Variants in NPEPPS observed in about 807,000 individuals in gnomAD.
NPEPPS encodes the protein aminopeptidase puromycin sensitive.
Under a neutral mutation model 115.5 loss-of-function variants are expected in NPEPPS, and 14 were observed. The observed-to-expected ratio is 0.12, with a 90% confidence interval of 0.08 to 0.19. The LOEUF (loss-of-function observed/expected upper bound fraction) is 0.19, where lower values mean the gene tolerates loss of function less well. Ranked by LOEUF, NPEPPS falls within the 10% of genes least tolerant of loss-of-function variation. NPEPPS has a pLI of 1.00. For missense variants in NPEPPS, 523 were observed against 1,110.8 expected, an observed-to-expected ratio of 0.47 and a Z score of 7.52; for synonymous variants, 285 against 390.6, an observed-to-expected ratio of 0.73 and a Z score of 3.19.
At chr17:47,607,846 C>CT (rs1344470191) in intron 17 of NPEPPS, among the ~76,000 whole-genome samples, 1 of 152,060 alleles carries the variant, frequency 6.6e-6, no homozygotes, top group East Asian at 1.9e-4. Flanking sequence ...GCTGTAGAAA[C>CT]ATTTTTTTCT....
intron 12 of NPEPPS, 124 bp downstream of exon 12, chr17:47,592,669 A>C: frequency 1.2e-6 from 1 of 865,348 alleles, no homozygotes; most frequent in Non-Finnish European, 1.7e-6. Context: ...AATTAGCCTT[A>C]TTTGAAGCTG....
At chr17:47,599,980 G>A (rs186808335) in intron 14 of NPEPPS, among the ~76,000 whole-genome samples, 211 of 152,014 alleles carry the variant, frequency 1.4e-3, no homozygotes, top group African/African-American at 4.7e-3. Context: ...CACCATGCTC[G>A]GCTAATTTTT....
intron 1 of NPEPPS, among the ~76,000 whole-genome samples, chr17:47,542,481 G>A (rs1299734675): frequency 6.6e-6 from 1 of 150,594 alleles, no homozygotes; most frequent in African/African-American, 2.4e-5. Context: ...GGGAGGCGGA[G>A]GTTGCGGTGA....
rs1250868146 is a variant in NPEPPS at position 47,542,877 on chromosome 17, G to A, written c.256-3032G>A. Among the ~76,000 whole-genome samples the A allele has an allele frequency of 4.6e-5, 7 of 152,068 alleles. No homozygotes were observed. The South Asian group carries it at 1.0e-3, about 23-fold the overall frequency. On this transcript the variant is annotated intron_variant, in intron 1 of 22. Coordinates refer to ENST00000322157, the MANE Select transcript of NPEPPS (RefSeq NM_006310.4). ...CAAGAGGCCAGGCGTGGTGGCTCAC[G>A]TCTGTAATCTCAGCACTTTGGGAGG...
intron 2 of NPEPPS, among the ~76,000 whole-genome samples, chr17:47,554,832 G>A (rs1178200617): frequency 6.6e-6 from 1 of 152,304 alleles, no homozygotes; most frequent in East Asian, 1.9e-4. Context: ...GCTACTAGGT[G>A]CCTAATGGGC....
At chr17:47,603,657 C>T in intron 15 of NPEPPS, 1 of 320,682 alleles carries the variant, frequency 3.1e-6, no homozygotes, top group Admixed American at 4.7e-5. Context: ...AATAGAAACC[C>T]ACATTATTTT....
At position 47,622,457 on chromosome 17, in the gene NPEPPS, G is replaced by A. The variant is rs1914637875; in HGVS notation, c.*537G>A. On this transcript the variant is annotated 3_prime_UTR_variant, in exon 23 of 23. Coordinates refer to ENST00000322157, the MANE Select transcript of NPEPPS (RefSeq NM_006310.4). ...TTTTTTTGGCACGGGGACTGATCAG[G>A]AAGATATATTCCTGCATAACTCAAT... 1 of 186,718 alleles carries A rather than the reference G, an allele frequency of 5.4e-6. No individual in the cohort carries two copies. Among genetic ancestry groups the A allele is most frequent in the African/African-American group, 2.4e-5 (1 of 41,190 alleles). The allele number at this position is 186,718 out of a possible 1,614,324, so 11.6% of individuals were successfully genotyped here.
chr17:47,614,941 A>ATC (rs1171712063), intron 19 of NPEPPS, among the ~76,000 whole-genome samples: 1 of 152,194 alleles, frequency 6.6e-6, no homozygotes, highest in African/African-American at 2.4e-5. Context: ...ATAATTGCAG[A>ATC]TCTAAATTCT....
rs748536536 is a variant in NPEPPS at position 47,590,900 on chromosome 17, C to T, written c.1260+19C>T. 3.9e-6 allele frequency: 6 copies of T among 1,519,206 alleles called. No homozygotes were observed. The highest frequency in any genetic ancestry group is 5.3e-6 in the Non-Finnish European group (6 of 1,128,894). The allele number at this position is 1,519,206 out of a possible 1,614,324, so 94.1% of individuals were successfully genotyped here. A position where few individuals can be genotyped will look rare whatever the true frequency, so the allele number is the denominator to read the frequency against. ...TATTGAAGTGAGCCATACTTTCTAA[C>T]CATTAGCCTATGACTGCTCTCATTT... On this transcript the variant is annotated intron_variant, in intron 10 of 22. Transcript: ENST00000322157.
At chr17:47,600,540 G>A (rs189909860) in intron 14 of NPEPPS, among the ~76,000 whole-genome samples, 1 of 152,290 alleles carries the variant, frequency 6.6e-6, no homozygotes, top group African/African-American at 2.4e-5. Context: ...AATCCACATT[G>A]TAGTACTGAC....
At chr17:47,528,109 C>T (rs1907513172), upstream of NPEPPS, among the ~76,000 whole-genome samples, 1 of 150,690 alleles carries the variant, frequency 6.6e-6, no homozygotes, top group African/African-American at 2.4e-5. Flanking sequence ...TGAGACCAGC[C>T]TGGCTAACAT....
chr17:47,559,231 G>A (rs1910270887), intron 2 of NPEPPS, among the ~76,000 whole-genome samples: 1 of 151,960 alleles, frequency 6.6e-6, no homozygotes, highest in African/African-American at 2.4e-5. Context: ...TAGTAGAGAT[G>A]GGGTCTTGCT....
chr17:47,617,881 TTTTTTC>T lies in NPEPPS; in HGVS notation c.2296-464_2296-459del, dbSNP rs1914306820. 1.3e-5 allele frequency among the ~76,000 whole-genome samples: 2 copies of T among 152,034 alleles called. 1 individual carries two copies. Among genetic ancestry groups the T allele is most frequent in the South Asian group, 4.2e-4 (2 of 4,818 alleles). Reference sequence around the variant, plus strand: ...AAATTTAGTGCCAAAGCATCATTTTTTTTTTCTTTTATTTTTGAGACAGAGTCTCGC... The same window carrying T: ...AAATTTAGTGCCAAAGCATCATTTTTTTTTATTTTTGAGACAGAGTCTCGC... On this transcript the variant is annotated intron_variant, in intron 19 of 22. Transcript: ENST00000322157.
rs1567877197 is a variant in NPEPPS at position 47,622,800 on chromosome 17, T to C, written c.*880T>C. ...AAATAAAAAGATCTTCAGCCAGGCC[T>C]TTCTGAAGGAGTTATTCTGCTAAAA... On this transcript the variant is annotated 3_prime_UTR_variant, in exon 23 of 23. Transcript: ENST00000322157. The C allele has an allele frequency of 9.0e-6, 4 of 444,532 alleles. No individual in the cohort carries two copies. The highest frequency in any genetic ancestry group is 4.9e-5 in the South Asian group (3 of 61,488). The allele number at this position is 444,532 out of a possible 1,614,324, so 27.5% of individuals were successfully genotyped here.
intron 3 of NPEPPS, among the ~76,000 whole-genome samples, chr17:47,571,891 G>A (rs1345632741): frequency 3.9e-5 from 6 of 152,002 alleles, no homozygotes; most frequent in African/African-American, 1.2e-4. Flanking sequence ...CCCACAAATA[G>A]GATCACAAAT....
At chr17:47,550,540 C>T (rs1199985279) in intron 2 of NPEPPS, among the ~76,000 whole-genome samples, 1 of 147,316 alleles carries the variant, frequency 6.8e-6, no homozygotes, top group African/African-American at 2.5e-5. Context: ...AAGATCATTT[C>T]AAGTAGAAAT....
Position 47,605,431 on chromosome 17 carries a change from C to T in NPEPPS, c.1974C>T (p.Asn658=). The part of the protein sequence containing the change: ...NYTVWSDLSC[N]LGILSTLLSH... ...CTGTATGGAGCGACCTGAGCTGTAA[C>T]CTGGGGATTCTCTCAACTCTCTTGT... The change falls in exon 17 of 23, where the codon AAC becomes AAT. Residue 658 remains asparagine, a synonymous_variant. Coordinates refer to ENST00000322157, the MANE Select transcript of NPEPPS (RefSeq NM_006310.4). 6.2e-7 allele frequency: 1 copy of T among 1,610,404 alleles called. No homozygotes were observed. Among genetic ancestry groups the T allele is most frequent in the Non-Finnish European group, 8.5e-7 (1 of 1,178,288 alleles).
In NPEPPS at chr17:47,592,452, C is replaced by T. The variant is rs369033593; in HGVS notation, c.1366-33C>T. 4.6e-4 allele frequency: 713 copies of T among 1,549,082 alleles called. 3 individuals are homozygous for T. The African/African-American group carries it at 8.9e-3, about 19-fold the overall frequency. On this transcript the variant is annotated intron_variant, in intron 11 of 22. Transcript: ENST00000322157. ...ATATACTATAAATTCTGAGATCTGA[C>T]TTCCCTGGATTTTAAAAATTGTGTT...
intron 3 of NPEPPS, among the ~76,000 whole-genome samples, chr17:47,573,020 C>T (rs1383334854): frequency 6.6e-6 from 1 of 152,186 alleles, no homozygotes; most frequent in Non-Finnish European, 1.5e-5. Flanking sequence ...AGGTGATCTG[C>T]CCACTTCGGC....
Sources: gnomAD v4.1 joint callset for allele counts (sites outside exome capture counted in the v4.1 genomes callset) on GRCh38, gnomAD v4.1.1 for gene constraint, MANE v1.5 for transcripts, NCBI Gene and HGNC (gene_info 2026-07-23, HGNC 2026-07-21) for gene names.